ACYP2: variants seen among roughly 807,000 people sequenced by gnomAD.
ACYP2 encodes acylphosphatase 2.
ACYP2 carries 12 observed loss-of-function variants against 11.2 expected under a neutral mutation model. That is an observed-to-expected ratio of 1.08 (90% CI 0.69 to 1.74). The LOEUF (loss-of-function observed/expected upper bound fraction) is 1.74. Ranked by LOEUF, ACYP2 falls within the 40% of genes most tolerant of loss-of-function variation. The pLI is 0.00. For synonymous variants in ACYP2, 43 were observed against 32.2 expected (o/e 1.33, Z -1.13); for missense variants, 134 against 101.9 (o/e 1.31, Z -1.35).
At chr2:54,079,792 T>C (rs1677548539) in intron 4 of ACYP2, 2 of 152,232 alleles carry the variant, frequency 1.3e-5, no homozygotes, top group Non-Finnish European at 2.9e-5. Context: ...CAAAATTAAG[T>C]ACAGAAGTGA....
chr2:53,996,504 G>T (rs1383453722), intron 2 of ACYP2, among the ~76,000 whole-genome samples: 1 of 152,138 alleles, frequency 6.6e-6, no homozygotes, highest in Non-Finnish European at 1.5e-5. Context: ...TTAATGGGGA[G>T]ATGAAGAGCA....
chr2:54,026,401 A>T (rs1558479562), intron 2 of ACYP2, among the ~76,000 whole-genome samples: 1 of 152,142 alleles, frequency 6.6e-6, no homozygotes, highest in Non-Finnish European at 1.5e-5. Context: ...TAAAAAATAA[A>T]AAAAAAATAG....
chr2:54,300,665 A>G (rs1389799146), intron 6 of ACYP2, among the ~76,000 whole-genome samples: 1 of 152,158 alleles, frequency 6.6e-6, no homozygotes, highest in Non-Finnish European at 1.5e-5. Flanking sequence ...GCACTCCCTA[A>G]TTAACTTCCT....
chr2:53,990,615 C>A (rs28656266), intron 2 of ACYP2, among the ~76,000 whole-genome samples: 1,531 of 145,214 alleles, frequency 0.011, 25 homozygotes, highest in African/African-American at 0.038. Context: ...CACCATTGCA[C>A]TCCAGCCTGG....
At chr2:54,275,430 G>A (rs983079016) in intron 6 of ACYP2, among the ~76,000 whole-genome samples, 1 of 152,190 alleles carries the variant, frequency 6.6e-6, no homozygotes, top group Non-Finnish European at 1.5e-5. Flanking sequence ...AATCTCATCA[G>A]TATGCTGGCA....
chr2:53,991,635 C>T (rs1295765200), intron 2 of ACYP2, among the ~76,000 whole-genome samples: 2 of 151,992 alleles, frequency 1.3e-5, no homozygotes, highest in Admixed American at 1.3e-4. Context: ...GAACTCCCGA[C>T]CTCAGGTGAT....
chr2:53,984,777 A>T (rs535859452), intron 2 of ACYP2, among the ~76,000 whole-genome samples: 3 of 151,826 alleles, frequency 2.0e-5, no homozygotes, highest in African/African-American at 2.4e-5. Flanking sequence ...ACAAACCAAA[A>T]CAAAACAAAA....
chr2:54,262,460 TAAA>T (rs1369824848), intron 6 of ACYP2, among the ~76,000 whole-genome samples: 1 of 152,218 alleles, frequency 6.6e-6, no homozygotes, highest in Non-Finnish European at 1.5e-5. Flanking sequence ...CTAATTTAGA[TAAA>T]AATTTTTAAG....
intron 6 of ACYP2, among the ~76,000 whole-genome samples, chr2:54,180,320 G>C (rs141616803): frequency 1.1e-3 from 166 of 152,102 alleles, no homozygotes; most frequent in African/African-American, 4.0e-3. Context: ...TTGGAGATCA[G>C]CTTAACCTTT....
chr2:54,109,421 A>AG (rs1679339189), intron 4 of ACYP2, among the ~76,000 whole-genome samples: 1 of 147,790 alleles, frequency 6.8e-6, no homozygotes, highest in African/African-American at 2.5e-5. Context: ...AAAGGGTGGG[A>AG]GGGGGTGAGG....
At chr2:54,084,517 C>T (rs766138786) in intron 4 of ACYP2, 1 of 152,202 alleles carries the variant, frequency 6.6e-6, no homozygotes, top group Non-Finnish European at 1.5e-5. Context: ...GTCTCGAACT[C>T]CTGACCTCAA....
At chr2:54,126,192 T>C (rs777932143) in intron 4 of ACYP2, among the ~76,000 whole-genome samples, 5 of 152,350 alleles carry the variant, frequency 3.3e-5, no homozygotes, top group East Asian at 1.9e-4. Context: ...TAATAACGTA[T>C]GTATTTTTGT....
intron 2 of ACYP2, among the ~76,000 whole-genome samples, chr2:53,980,575 A>AATTT (rs1671703737): frequency 3.3e-5 from 5 of 151,980 alleles, no homozygotes; most frequent in African/African-American, 1.2e-4. Context: ...AAATAAAGAA[A>AATTT]ATACCATTTA....
At chr2:54,285,380 CCACTT>C (rs1213141324) in intron 6 of ACYP2, among the ~76,000 whole-genome samples, 4 of 152,316 alleles carry the variant, frequency 2.6e-5, no homozygotes, top group South Asian at 2.1e-4. Flanking sequence ...CTCTTGCTGA[CCACTT>C]CTCTTCTGTT....
chr2:54,303,045 G>A (rs1331824058), intron 6 of ACYP2, among the ~76,000 whole-genome samples: 2 of 152,154 alleles, frequency 1.3e-5, no homozygotes, highest in East Asian at 3.8e-4. Flanking sequence ...AAAGAACTTA[G>A]CATAGTGCCG....
intron 6 of ACYP2, among the ~76,000 whole-genome samples, chr2:54,156,902 A>G (rs1396118175): frequency 6.6e-6 from 1 of 152,140 alleles, no homozygotes; most frequent in African/African-American, 2.4e-5. Flanking sequence ...TCCTGACCTC[A>G]GGTGATCCAC....
chr2:54,206,680 T>A (rs1329973418), intron 6 of ACYP2, among the ~76,000 whole-genome samples: 2 of 152,240 alleles, frequency 1.3e-5, no homozygotes, highest in Non-Finnish European at 2.9e-5. Context: ...TTTTTTTCCA[T>A]AATTGTAGAG....
At chr2:54,094,225 A>C (rs1678392544) in intron 4 of ACYP2, among the ~76,000 whole-genome samples, 1 of 150,160 alleles carries the variant, frequency 6.7e-6, no homozygotes, top group African/African-American at 2.4e-5. Flanking sequence ...TGGGGAGAAA[A>C]AAAATTTTTT....
intron 5 of ACYP2, among the ~76,000 whole-genome samples, chr2:54,137,324 T>C (rs1240781033): frequency 6.6e-6 from 1 of 152,176 alleles, no homozygotes; most frequent in Non-Finnish European, 1.5e-5. Flanking sequence ...TATAGGTTTG[T>C]TATATAGGTA....
Sources: allele counts gnomAD v4.1 joint callset (sites outside exome capture counted in the v4.1 genomes callset), GRCh38; gene constraint gnomAD v4.1.1; transcripts MANE v1.5; gene names NCBI Gene and HGNC (gene_info 2026-07-23, HGNC 2026-07-21).